CARM1: variants seen among roughly 807,000 people sequenced by gnomAD.
The protein encoded by CARM1 is coactivator associated arginine methyltransferase 1, also known as histone-arginine methyltransferase CARM1.
CARM1 carries 14 observed loss-of-function variants against 72.7 expected under a neutral mutation model. The observed-to-expected ratio is 0.19, with a 90% CI of 0.13 to 0.30. The LOEUF (loss-of-function observed/expected upper bound fraction) is 0.30. Among genes scored for constraint, CARM1 ranks in the 10% least tolerant of loss-of-function variants. The pLI is 1.00. For synonymous variants in CARM1, 333 were observed against 345.5 expected, an observed-to-expected ratio of 0.96 and a Z score of 0.40; for missense variants, 432 against 833.7, an observed-to-expected ratio of 0.52 and a Z score of 5.93.
intron 1 of CARM1, among the ~76,000 whole-genome samples, chr19:10,892,613 A>G (rs1041079926): frequency 3.9e-5 from 6 of 152,212 alleles, no homozygotes; most frequent in African/African-American, 1.4e-4. Context: ...TCTGTTGCTG[A>G]TGATGGTAAC....
chr19:10,871,906 C>T lies in CARM1; in HGVS notation c.204C>T (p.Gly68=). ...LEVRAGPDSA[G]IALYSHEDVC... is the part of the protein sequence containing the mutation. ...TGCGCGCCGGCCCGGACTCGGCGGG[C>T]ATCGCCCTCTACAGCCGTGAGTACG... Residue 68 remains glycine, a synonymous_variant, in exon 1 of 16, where the codon GGC becomes GGT. Coordinates refer to ENST00000327064, the MANE Select transcript of CARM1 (RefSeq NM_199141.2). The surrounding 1 kb of genome is among the most constrained non-coding windows in gnomAD (Gnocchi z 5.6). 2.5e-6 allele frequency: 3 copies of T among 1,224,486 alleles called. No homozygotes were observed. The highest frequency in any genetic ancestry group is 3.3e-4 in the Middle Eastern group (1 of 3,062). 75.9% of individuals were successfully genotyped at this position (1,224,486 alleles called of 1,614,324 possible). A position where few individuals can be genotyped will look rare whatever the true frequency, so the allele number is the denominator to read the frequency against.
chr19:10,872,141 GT>G (rs1179073112), intron 1 of CARM1, among the ~76,000 whole-genome samples: 1 of 152,086 alleles, frequency 6.6e-6, no homozygotes, highest in Non-Finnish European at 1.5e-5. Flanking sequence ...GGTGCCCAGA[GT>G]GAGCAAGGGA....
At position 10,920,970 on chromosome 19, in the gene CARM1, C is replaced by T; in HGVS notation, c.1537+24C>T. ...AGGTGAGCAGGGCCCACCCCAATGC[C>T]CAGCCAACCCGGGAGGCCGCCCTCG... On this transcript the variant is annotated intron_variant, in intron 13 of 15. Coordinates refer to ENST00000327064, the MANE Select transcript of CARM1 (RefSeq NM_199141.2). The surrounding 1 kb of genome is among the most constrained non-coding windows in gnomAD (Gnocchi z 5.3). 1.9e-6 allele frequency: 3 copies of T among 1,613,274 alleles called. No homozygotes were observed. The highest frequency in any genetic ancestry group is 2.5e-6 in the Non-Finnish European group (3 of 1,179,248).
At chr19:10,897,903 A>G (rs2074035570) in intron 1 of CARM1, among the ~76,000 whole-genome samples, 1 of 152,032 alleles carries the variant, frequency 6.6e-6, no homozygotes, top group Non-Finnish European at 1.5e-5. Context: ...CAGGAGATCG[A>G]GACCATCCTG....
rs375586961 is a variant in CARM1, at chr19:10,912,134, C to T, written c.559-50C>T. 4 of 1,291,782 alleles carry T rather than the reference C, an allele frequency of 3.1e-6. 1 individual carries two copies. Among genetic ancestry groups the T allele is most frequent in the Non-Finnish European group, 4.5e-6 (4 of 885,432 alleles). 80.0% of individuals were successfully genotyped at this position (1,291,782 alleles called of 1,614,324 possible). A position where few individuals can be genotyped will look rare whatever the true frequency, so the allele number is the denominator to read the frequency against. ...TCCCTTATGATCACTGTCACCTCCC[C>T]ATCACCGTCGCCTCCTATGTCTCGC... On this transcript the variant is annotated intron_variant, in intron 4 of 15. Transcript: ENST00000327064. This position sits in a 1 kb window ranked among gnomAD's most constrained non-coding sequence, Gnocchi z 4.5.
In CARM1 at chr19:10,871,601, G is replaced by GGCGGCGGCGGCGGCGGCGGCGGCGGCT. The variant is rs1568342720; in HGVS notation, c.-76_-75insTGCGGCGGCGGCGGCGGCGGCGGCGGC. 5 of 104,310 alleles carry GGCGGCGGCGGCGGCGGCGGCGGCGGCT rather than the reference G, an allele frequency of 4.8e-5. No homozygotes were observed. The highest frequency in any genetic ancestry group is 1.8e-4 in the African/African-American group (5 of 27,842). The allele number at this position is 104,310 out of a possible 1,614,324, so 6.5% of individuals were successfully genotyped here. A position where few individuals can be genotyped will look rare whatever the true frequency, so the allele number is the denominator to read the frequency against. The stretch of plus-strand genomic sequence containing the variant: ...CGGCGGTAGCGGCAGCGGCGGCGGC[G>GGCGGCGGCGGCGGCGGCGGCGGCGGCT]GCGGCGGCGGCGGCGGCGGCGGCGG... On this transcript the variant is annotated 5_prime_UTR_variant, in exon 1 of 16. Transcript: ENST00000327064. This position sits in a 1 kb window ranked among gnomAD's most constrained non-coding sequence, Gnocchi z 5.6.
intron 2 of CARM1, among the ~76,000 whole-genome samples, chr19:10,905,942 CTT>C (rs35328638): frequency 2.9e-4 from 30 of 103,416 alleles, no homozygotes; most frequent in African/African-American, 3.5e-4. Context: ...TGCCCGGCCC[CTT>C]TTTTTTTTTT....
At chr19:10,885,045 A>G (rs950698965) in intron 1 of CARM1, among the ~76,000 whole-genome samples, 1 of 152,196 alleles carries the variant, frequency 6.6e-6, no homozygotes, top group African/African-American at 2.4e-5. Context: ...GTACACACAC[A>G]TGCCCAGGCC....
At chr19:10,890,774 C>CAT (rs1396281380) in intron 1 of CARM1, among the ~76,000 whole-genome samples, 3 of 63,614 alleles carry the variant, frequency 4.7e-5, no homozygotes, top group East Asian at 4.0e-4. Context: ...TACACACACA[C>CAT]ATATATATAT....
chr19:10,901,421 A>G (rs754509816), intron 1 of CARM1, among the ~76,000 whole-genome samples: 4 of 151,670 alleles, frequency 2.6e-5, no homozygotes, highest in East Asian at 1.9e-4. Context: ...GGCTCAAGCA[A>G]TCCTTCCACC....
At chr19:10,913,328 G>A (rs969805296) in intron 5 of CARM1, among the ~76,000 whole-genome samples, 5 of 152,010 alleles carry the variant, frequency 3.3e-5, no homozygotes, top group Non-Finnish European at 5.9e-5. Flanking sequence ...GGAGGCTTAG[G>A]TGGGCGGATC....
chr19:10,874,349 T>G (rs572436075), intron 1 of CARM1, among the ~76,000 whole-genome samples: 200 of 152,272 alleles, frequency 1.3e-3, no homozygotes, highest in African/African-American at 4.5e-3. Context: ...TAATTTTTTT[T>G]TACACTTTTT....
chr19:10,908,541 A>G (rs1472954129), intron 3 of CARM1: 1 of 194,328 alleles, frequency 5.1e-6, no homozygotes, highest in African/African-American at 2.4e-5. Flanking sequence ...TATTGTCCCC[A>G]TTTTACAGAT....
chr19:10,890,256 T>G (rs2073971800), intron 1 of CARM1, among the ~76,000 whole-genome samples: 1 of 139,960 alleles, frequency 7.1e-6, no homozygotes, highest in Non-Finnish European at 1.6e-5. Flanking sequence ...TTTTTTTGTT[T>G]TTTGTTTTGT....
chr19:10,907,212 T>A (rs1035567285), intron 2 of CARM1, among the ~76,000 whole-genome samples: 1 of 151,872 alleles, frequency 6.6e-6, no homozygotes, highest in East Asian at 1.9e-4. Flanking sequence ...CGGCTTATTA[T>A]TTCTTGTAGA....
rs1425992658 is a variant in CARM1, at chr19:10,916,818, C to T, written c.1020+41C>T. ...AGGGTACTGCTGCAGTGATCACTTG[C>T]CATTGCTGTGCAGCTGTGCAGCCCT... On this transcript the variant is annotated intron_variant, in intron 8 of 15. Coordinates refer to ENST00000327064, the MANE Select transcript of CARM1 (RefSeq NM_199141.2). This position sits in a 1 kb window ranked among gnomAD's most constrained non-coding sequence, Gnocchi z 4.4. The T allele has an allele frequency of 2.1e-6, 3 of 1,409,812 alleles. No homozygotes were observed. The highest frequency in any genetic ancestry group is 2.5e-5 in the South Asian group (2 of 80,192). The allele number at this position is 1,409,812 out of a possible 1,614,324, so 87.3% of individuals were successfully genotyped here.
At position 10,901,888 on chromosome 19, in the gene CARM1, G is replaced by A. The variant is rs1282413414; in HGVS notation, c.221-3063G>A. On this transcript the variant is annotated intron_variant, in intron 1 of 15. Transcript: ENST00000327064. The stretch of plus-strand genomic sequence containing the variant: ...CGCAGCTACTCAGGAGGCAGAGGTT[G>A]CAGTGAGCCAAGATAGTGCTGCTGC... Among the ~76,000 whole-genome samples the A allele has an allele frequency of 3.9e-5, 6 of 151,946 alleles. No homozygotes were observed. The East Asian group carries it at 1.2e-3, about 29-fold the overall frequency.
chr19:10,921,569 CT>C, intron 15 of CARM1, 45 bp from the exon 16 acceptor site: 1 of 1,582,756 alleles, frequency 6.3e-7, no homozygotes, highest in Non-Finnish European at 8.6e-7. Flanking sequence ...TGCCTGGGGG[CT>C]GGGCGGGCCA....
At chr19:10,894,729 T>C (rs1208906255) in intron 1 of CARM1, among the ~76,000 whole-genome samples, 18 of 150,678 alleles carry the variant, frequency 1.2e-4, no homozygotes, top group South Asian at 8.4e-4. Context: ...TTTTTTTTTT[T>C]TCTCTCTCTC....
Sources: gnomAD v4.1 joint callset for allele counts (sites outside exome capture counted in the v4.1 genomes callset) on GRCh38, gnomAD v4.1.1 for gene constraint, Gnocchi (gnomAD v3.1) non-coding constraint, MANE v1.5 for transcripts, NCBI Gene and HGNC (gene_info 2026-07-23, HGNC 2026-07-21) for gene names.